GPHN: variants seen among roughly 807,000 people sequenced by gnomAD.
The protein encoded by GPHN is gephyrin.
In GPHN, 17 loss-of-function variants were observed where a neutral mutation model predicts 95.5. The ratio of observed to expected loss-of-function variants is 0.18; its 90% CI spans 0.12 to 0.27. GPHN has a LOEUF of 0.27. Ranked by LOEUF, GPHN falls within the 10% of genes least tolerant of loss-of-function variation. GPHN has a pLI of 1.00. For missense variants in GPHN, 660 were observed against 978.1 expected (o/e 0.67, Z 4.34); for synonymous variants, 320 against 322.5 (o/e 0.99, Z 0.08).
At chr14:67,179,727 A>T in intron 22 of GPHN, 53 bp downstream of exon 22, 1 of 896,148 alleles carries the variant, frequency 1.1e-6, no homozygotes, top group East Asian at 2.4e-5. Flanking sequence ...GTTAAAACAC[A>T]AACTTATATA....
intron 5 of GPHN, among the ~76,000 whole-genome samples, chr14:66,896,471 A>T (rs1159752097): frequency 6.6e-6 from 1 of 152,010 alleles, no homozygotes; most frequent in African/African-American, 2.4e-5. Flanking sequence ...TACAAAAATT[A>T]GACCAGCATG....
chr14:66,874,349 C>T (rs1007509907), intron 4 of GPHN, among the ~76,000 whole-genome samples: 3 of 152,204 alleles, frequency 2.0e-5, no homozygotes, highest in African/African-American at 7.2e-5. Context: ...CACATCTTCT[C>T]TTCCAAAGGA....
chr14:66,724,663 A>G (rs915892661), intron 2 of GPHN, among the ~76,000 whole-genome samples: 4 of 152,138 alleles, frequency 2.6e-5, no homozygotes, highest in Non-Finnish European at 5.9e-5. Context: ...GAGTCTTAAA[A>G]TCTGCTTCAG....
At chr14:67,168,051 G>A (rs1017474202) in intron 20 of GPHN, among the ~76,000 whole-genome samples, 3 of 152,196 alleles carry the variant, frequency 2.0e-5, no homozygotes, top group Non-Finnish European at 4.4e-5. Context: ...TGCTCAGGCT[G>A]CCATGACAGA....
intron 12 of GPHN, among the ~76,000 whole-genome samples, chr14:67,095,926 T>C (rs572632808): frequency 7.4e-5 from 3 of 40,398 alleles, no homozygotes; most frequent in African/African-American, 1.8e-4. Flanking sequence ...ACTTAAAGTA[T>C]AATAATAATA....
the GPHN span, among the ~76,000 whole-genome samples, chr14:67,694,477 TACAC>T: frequency 0.025 from 3,571 of 142,884 alleles, 170 homozygotes; most frequent in African/African-American, 0.09. Context: ...TATATATATA[TACAC>T]ACACACACAT....
intron 1 of GPHN, among the ~76,000 whole-genome samples, chr14:66,569,810 G>A (rs934581921): frequency 2.6e-5 from 4 of 152,050 alleles, no homozygotes; most frequent in African/African-American, 9.7e-5. Flanking sequence ...TGTGAAAACA[G>A]TTAAATCTGT....
the GPHN span, among the ~76,000 whole-genome samples, chr14:67,213,299 G>T: frequency 1.4e-4 from 19 of 140,406 alleles, no homozygotes; most frequent in Non-Finnish European, 2.3e-4. Context: ...TATCTCCTAA[G>T]GCTATCCCTC....
the GPHN span, among the ~76,000 whole-genome samples, chr14:67,716,684 G>T: frequency 6.6e-6 from 1 of 152,242 alleles, no homozygotes. Flanking sequence ...AGGAATTCGA[G>T]ACCAGCCTGG....
At chr14:67,363,290 C>A in the GPHN span, among the ~76,000 whole-genome samples, 1 of 151,754 alleles carries the variant, frequency 6.6e-6, no homozygotes, top group East Asian at 1.9e-4. Context: ...ATGTCTACTT[C>A]TCTTTATTTG....
At chr14:67,021,542 C>T (rs962318675) in intron 9 of GPHN, among the ~76,000 whole-genome samples, 1 of 151,958 alleles carries the variant, frequency 6.6e-6, no homozygotes, top group South Asian at 2.1e-4. Context: ...ACCTAGGGAA[C>T]GGGAGAGGGT....
At chr14:67,143,636 T>C (rs1450044775) in intron 18 of GPHN, among the ~76,000 whole-genome samples, 187 bp downstream of exon 18, 4 of 152,164 alleles carry the variant, frequency 2.6e-5, no homozygotes, top group African/African-American at 9.7e-5. Context: ...GAGCTTACCC[T>C]CAGGAGCAAC....
the GPHN span, among the ~76,000 whole-genome samples, chr14:67,427,467 T>C: frequency 7.9e-5 from 12 of 152,138 alleles, no homozygotes; most frequent in Non-Finnish European, 1.6e-4. Flanking sequence ...GCAGGCCACC[T>C]TTGTCAGGGG....
At chr14:67,123,793 A>T (rs139305918) in intron 17 of GPHN, among the ~76,000 whole-genome samples, 1 of 152,056 alleles carries the variant, frequency 6.6e-6, no homozygotes, top group Non-Finnish European at 1.5e-5. Flanking sequence ...TTAAAACATT[A>T]TGAGATTTTT....
chr14:67,411,904 T>C, the GPHN span: 59 of 962,922 alleles, frequency 6.1e-5, no homozygotes, highest in Non-Finnish European at 8.5e-5. Flanking sequence ...CCATGGGGGT[T>C]GGGGATGGGA....
the GPHN span, among the ~76,000 whole-genome samples, chr14:67,669,150 TAAC>T: frequency 7.9e-5 from 12 of 152,202 alleles, no homozygotes; most frequent in African/African-American, 2.9e-4. Flanking sequence ...TGGGTTAAAG[TAAC>T]CTGTCCAAGG....
intron 3 of GPHN, among the ~76,000 whole-genome samples, chr14:66,782,854 AAAAC>A (rs756492400): frequency 6.6e-6 from 1 of 152,048 alleles, no homozygotes; most frequent in Non-Finnish European, 1.5e-5. Flanking sequence ...AACAAACAAA[AAAAC>A]CAAAAGAAAG....
chr14:66,841,473 C>T (rs757841228), intron 4 of GPHN, among the ~76,000 whole-genome samples: 1 of 152,044 alleles, frequency 6.6e-6, no homozygotes, highest in Non-Finnish European at 1.5e-5. Context: ...ATGACAGTGG[C>T]TTAGACCAAT....
At chr14:67,019,407 T>C (rs1232340668) in intron 9 of GPHN, among the ~76,000 whole-genome samples, 4 of 152,176 alleles carry the variant, frequency 2.6e-5, no homozygotes, top group Non-Finnish European at 5.9e-5. Flanking sequence ...ATTTTGTTCT[T>C]GACTTTGACC....
Sources: allele counts gnomAD v4.1 joint callset (sites outside exome capture counted in the v4.1 genomes callset), GRCh38; gene constraint gnomAD v4.1.1; transcripts MANE v1.5; gene names NCBI Gene and HGNC (gene_info 2026-07-23, HGNC 2026-07-21).